The following DCC variants were observed in gnomAD, a reference collection of about 807,000 sequenced individuals.
The protein encoded by DCC is netrin receptor DCC.
In DCC, 58 loss-of-function variants were observed where a neutral mutation model predicts 172.5. That is an observed-to-expected ratio of 0.34 (90% CI 0.27 to 0.42). The LOEUF (loss-of-function observed/expected upper bound fraction) is 0.42. Among genes scored for constraint, DCC ranks in the 10% least tolerant of loss-of-function variants. The probability of loss-of-function intolerance (pLI) is 1.00; values close to 1 mark genes in which losing one functional copy is unlikely to be tolerated. For missense variants in DCC, 1,740 were observed against 1,791.0 expected, an observed-to-expected ratio of 0.97 and a Z score of 0.51; for synonymous variants, 709 against 644.5, an observed-to-expected ratio of 1.10 and a Z score of -1.52.
chr18:53,265,095 A>G (rs919410127), intron 12 of DCC, among the ~76,000 whole-genome samples: 2 of 152,224 alleles, frequency 1.3e-5, no homozygotes, highest in Admixed American at 6.5e-5. Context: ...TCAGCTAAGC[A>G]TACTCCATGT....
intron 1 of DCC, among the ~76,000 whole-genome samples, chr18:52,441,013 G>A (rs1987954848): frequency 6.6e-6 from 1 of 152,208 alleles, no homozygotes; most frequent in African/African-American, 2.4e-5. Flanking sequence ...TCACTTGATA[G>A]GGACTTAATG....
chr18:53,071,282 G>A (rs2042647905), intron 7 of DCC, among the ~76,000 whole-genome samples: 1 of 152,148 alleles, frequency 6.6e-6, no homozygotes, highest in Admixed American at 6.6e-5. Flanking sequence ...GAATTAAATT[G>A]AGTGAATGAC....
At chr18:53,426,235 C>G (rs1161260370) in intron 21 of DCC, among the ~76,000 whole-genome samples, 2 of 144,078 alleles carry the variant, frequency 1.4e-5, no homozygotes. Flanking sequence ...ATGTATGTGT[C>G]TGTGTATTTA....
intron 1 of DCC, among the ~76,000 whole-genome samples, chr18:52,446,345 C>T (rs1361896316): frequency 6.6e-6 from 1 of 152,170 alleles, no homozygotes. Context: ...TCTGTATTTG[C>T]TTATCTACAA....
chr18:52,587,689 T>G (rs1340757364), intron 1 of DCC, among the ~76,000 whole-genome samples: 1 of 152,136 alleles, frequency 6.6e-6, no homozygotes, highest in Non-Finnish European at 1.5e-5. Context: ...ATTGGGAAGA[T>G]TTACCTTCAC....
chr18:53,273,744 T>A (rs1473361865), intron 12 of DCC, among the ~76,000 whole-genome samples: 1 of 151,850 alleles, frequency 6.6e-6, no homozygotes, highest in Non-Finnish European at 1.5e-5. Flanking sequence ...TTTTTTTTTT[T>A]TACCCCAGTT....
chr18:52,807,978 C>A (rs1299676508), intron 2 of DCC, among the ~76,000 whole-genome samples: 2 of 152,152 alleles, frequency 1.3e-5, no homozygotes, highest in Middle Eastern at 3.2e-3. Flanking sequence ...CGGACTGATA[C>A]CACATTAAAT....
chr18:52,494,830 T>A (rs2030678695), intron 1 of DCC, among the ~76,000 whole-genome samples: 1 of 152,140 alleles, frequency 6.6e-6, no homozygotes, highest in African/African-American at 2.4e-5. Context: ...ATTTTAAAAA[T>A]TGCATGTTAG....
intron 14 of DCC, among the ~76,000 whole-genome samples, chr18:53,328,982 A>T (rs1277559228): frequency 2.0e-5 from 3 of 152,192 alleles, no homozygotes; most frequent in Non-Finnish European, 4.4e-5. Context: ...GAACAGATGT[A>T]TCCATTTCTG....
intron 1 of DCC, chr18:52,409,337 C>T (rs1320028956): frequency 6.6e-6 from 1 of 152,154 alleles, no homozygotes; most frequent in Non-Finnish European, 1.5e-5. Flanking sequence ...TCATCAGCCA[C>T]AATTCATCAT....
intron 11 of DCC, among the ~76,000 whole-genome samples, chr18:53,209,140 C>T (rs937595979): frequency 9.2e-5 from 14 of 152,112 alleles, no homozygotes; most frequent in Non-Finnish European, 1.5e-4. Context: ...CACTTTGTTG[C>T]CCAGGCTAGA....
intron 1 of DCC, among the ~76,000 whole-genome samples, chr18:52,566,107 T>A (rs2144749185): frequency 6.6e-6 from 1 of 152,302 alleles, no homozygotes; most frequent in Non-Finnish European, 1.5e-5. Flanking sequence ...CCTTTCCCCA[T>A]TGCTTATTTT....
At chr18:52,576,914 G>A (rs1177163832) in intron 1 of DCC, among the ~76,000 whole-genome samples, 1 of 151,364 alleles carries the variant, frequency 6.6e-6, no homozygotes, top group East Asian at 1.9e-4. Context: ...CCTTCAATGA[G>A]CATTATATTT....
chr18:53,384,189 T>G (rs1321180595), intron 15 of DCC, among the ~76,000 whole-genome samples: 1 of 152,162 alleles, frequency 6.6e-6, no homozygotes, highest in Non-Finnish European at 1.5e-5. Flanking sequence ...TACTTGCAAG[T>G]GGATAAGTTT....
chr18:53,504,624 AAGGCAAATTT>A (rs2144491226), intron 27 of DCC, among the ~76,000 whole-genome samples: 1 of 152,320 alleles, frequency 6.6e-6, no homozygotes, highest in South Asian at 2.1e-4. Flanking sequence ...AAATGTAATT[AAGGCAAATTT>A]AAGTATCAAT....
chr18:52,631,665 C>T (rs1397345786), intron 1 of DCC, among the ~76,000 whole-genome samples: 1 of 152,180 alleles, frequency 6.6e-6, no homozygotes, highest in Non-Finnish European at 1.5e-5. Context: ...CCAGGTTTTA[C>T]AAATTTTGTC....
chr18:52,818,352 C>T (rs1019329156), intron 2 of DCC, among the ~76,000 whole-genome samples: 1 of 148,056 alleles, frequency 6.8e-6, no homozygotes. Context: ...GTCAAGGCTG[C>T]AGCGAGCTAT....
rs370504461 is a variant in DCC, at chr18:53,318,860, G to C, written c.2054-3187G>C. Among the ~76,000 whole-genome samples, 10 of 151,624 alleles carry C rather than the reference G, an allele frequency of 6.6e-5. No individual in the cohort carries two copies. The East Asian group carries it at 2.0e-3, about 30-fold the overall frequency. ...AGAAAAGATGTTAAGGGCAGCCAGA[G>C]AGGAAGGTCAAGTTATCCACAAAGG... On this transcript the variant is annotated intron_variant, in intron 13 of 28. Transcript: ENST00000442544.
chr18:53,023,401 C>CAAAAAA lies in DCC; in HGVS notation c.986-39881_986-39876dup, dbSNP rs869070422. On this transcript the variant is annotated intron_variant, in intron 5 of 28. Coordinates refer to ENST00000442544, the MANE Select transcript of DCC (RefSeq NM_005215.4). ...GGACAAACACATATATAACTCAGAC[C>CAAAAAA]AAAAAAAAAAAAAAAAAAAAAAAAA... 4.5e-3 allele frequency among the ~76,000 whole-genome samples: 109 copies of CAAAAAA among 24,404 alleles called. 21 individuals carry two copies. Among genetic ancestry groups the CAAAAAA allele is most frequent in the African/African-American group, 0.01 (54 of 5,178 alleles). 16.0% of individuals were successfully genotyped at this position (24,404 alleles called of 152,430 possible).
Sources: gnomAD v4.1 joint callset for allele counts (sites outside exome capture counted in the v4.1 genomes callset) on GRCh38, gnomAD v4.1.1 for gene constraint, MANE v1.5 for transcripts, NCBI Gene and HGNC (gene_info 2026-07-23, HGNC 2026-07-21) for gene names.